Variants in TNS1 observed in about 807,000 individuals in gnomAD.
TNS1 encodes tensin-1.
A neutral mutation model predicts 168.6 loss-of-function variants in TNS1; 62 were observed. The observed-to-expected ratio is 0.37, with a 90% CI of 0.30 to 0.45. The LOEUF (loss-of-function observed/expected upper bound fraction) is 0.45, where lower values mean the gene tolerates loss of function less well. Ranked by LOEUF, TNS1 falls within the 20% of genes least tolerant of loss-of-function variation. TNS1 has a pLI of 1.00. For synonymous variants in TNS1, 934 were observed against 933.2 expected (o/e 1.00, Z -0.02); for missense variants, 2,240 against 2,339.4 (o/e 0.96, Z 0.88).
intron 19 of TNS1, among the ~76,000 whole-genome samples, chr2:217,843,606 G>A (rs1015603762): frequency 6.6e-6 from 1 of 152,100 alleles, no homozygotes; most frequent in Non-Finnish European, 1.5e-5. Flanking sequence ...TTTACACAGG[G>A]CTGCCTAATT....
At chr2:217,941,628 C>T (rs1273158577) in intron 3 of TNS1, among the ~76,000 whole-genome samples, 2 of 152,192 alleles carry the variant, frequency 1.3e-5, no homozygotes. Flanking sequence ...CTCCCCGACT[C>T]CAAGTATCCC....
chr2:217,821,718 C>G, intron 23 of TNS1, 22 bp downstream of exon 23: 1 of 1,413,906 alleles, frequency 7.1e-7, no homozygotes. Flanking sequence ...CATCCCCCAC[C>G]CACTGCCCCT....
intron 23 of TNS1, 107 bp from the exon 24 acceptor site, chr2:217,818,866 G>C: frequency 1.1e-6 from 1 of 881,076 alleles, no homozygotes; most frequent in Non-Finnish European, 1.7e-6. Flanking sequence ...AGTAAGAATG[G>C]TCCCACTGGC....
intron 18 of TNS1, among the ~76,000 whole-genome samples, chr2:217,850,856 A>T (rs1482804267): frequency 1.3e-5 from 2 of 152,082 alleles, no homozygotes; most frequent in African/African-American, 4.8e-5. Context: ...ATGTACACAC[A>T]AATACCAACA....
intron 3 of TNS1, among the ~76,000 whole-genome samples, chr2:217,923,666 C>T (rs1052136646): frequency 1.3e-5 from 2 of 152,210 alleles, no homozygotes; most frequent in African/African-American, 4.8e-5. Context: ...ACACTCAGCC[C>T]TTTGCTCATA....
At chr2:217,808,261 G>A (rs561397694) in intron 31 of TNS1, among the ~76,000 whole-genome samples, 154 bp from the exon 32 acceptor site, 58 of 151,490 alleles carry the variant, frequency 3.8e-4, no homozygotes, top group African/African-American at 1.4e-3. Context: ...CCAGGGACAG[G>A]AGCTGCCCAA....
Position 217,995,454 on chromosome 2 carries a change from A to T in TNS1, c.34-4398T>A, listed in dbSNP as rs1184864901. On this transcript the variant is annotated intron_variant, in intron 1 of 32. Coordinates refer to ENST00000682258, the MANE Select transcript of TNS1 (RefSeq NM_001387777.1). This position sits in a 1 kb window ranked among gnomAD's most constrained non-coding sequence, Gnocchi z 4.1. ...ATGAGACTCAGTGGGGAAAAAAAAA[A>T]CTTAACAATCAGATGCAAAAATATG... 6.6e-6 allele frequency among the ~76,000 whole-genome samples: 1 copy of T among 152,072 alleles called. No individual in the cohort carries two copies. Among genetic ancestry groups the T allele is most frequent in the African/African-American group, 2.4e-5 (1 of 41,386 alleles).
At position 217,814,901 on chromosome 2, in the gene TNS1, C is replaced by T. The variant is rs962696211; in HGVS notation, c.4729+11G>A. On this transcript the variant is annotated intron_variant, in intron 25 of 32. Coordinates refer to ENST00000682258, the MANE Select transcript of TNS1 (RefSeq NM_001387777.1). ...TATGGCCTCTGATGCACCACAGAGC[C>T]CAGCACTCACCCTGCTCCCTGGAGA... 4 of 1,610,472 alleles carry T rather than the reference C, an allele frequency of 2.5e-6. No individual in the cohort carries two copies. In the South Asian group the frequency reaches 3.3e-5, roughly 13 times the overall value.
intron 21 of TNS1, among the ~76,000 whole-genome samples, chr2:217,833,696 C>T (rs1265771509): frequency 6.6e-6 from 1 of 152,234 alleles, no homozygotes; most frequent in Admixed American, 6.5e-5. Flanking sequence ...ACAGCAGTCA[C>T]GAGCCACACA....
intron 3 of TNS1, among the ~76,000 whole-genome samples, chr2:217,976,953 C>G (rs922121037): frequency 2.0e-5 from 3 of 152,190 alleles, no homozygotes; most frequent in Admixed American, 2.0e-4. Flanking sequence ...AAGAATTACA[C>G]CGGGACACCT....
intron 32 of TNS1, 112 bp from the exon 33 acceptor site, chr2:217,804,715 C>T (rs1479648018): frequency 2.2e-6 from 3 of 1,371,792 alleles, no homozygotes; most frequent in Non-Finnish European, 3.0e-6. Flanking sequence ...TTCCCCATCC[C>T]TCCAGCAGGC....
At chr2:217,985,251 T>C (rs1958165963) in intron 2 of TNS1, among the ~76,000 whole-genome samples, 2 of 151,936 alleles carry the variant, frequency 1.3e-5, no homozygotes, top group Non-Finnish European at 2.9e-5. Flanking sequence ...CTCAAGCAGA[T>C]GGGCTCCTGT....
At chr2:217,920,074 C>A in intron 4 of TNS1, 121 bp downstream of exon 4, 1 of 689,658 alleles carries the variant, frequency 1.4e-6, no homozygotes, top group South Asian at 1.5e-5. Flanking sequence ...CGACCCTCCT[C>A]CTCCACCTAA....
At chr2:218,003,106 G>T, upstream of TNS1, 1 of 361,914 alleles carries the variant, frequency 2.8e-6, no homozygotes, top group Non-Finnish European at 5.4e-6. Flanking sequence ...AGGCTCCACC[G>T]GTGGCCTTGA....
chr2:218,001,852 A>G (rs1958570301), intron 1 of TNS1, among the ~76,000 whole-genome samples: 2 of 151,572 alleles, frequency 1.3e-5, no homozygotes, highest in South Asian at 4.2e-4. Flanking sequence ...TGGCCAGAAC[A>G]AGGAAAGGGA....
At chr2:218,031,030 GTGTA>G (rs1265146413) in intron 1 of TNS1, among the ~76,000 whole-genome samples, 3 of 151,398 alleles carry the variant, frequency 2.0e-5, no homozygotes, top group Non-Finnish European at 4.4e-5. Context: ...GTGTATGTGT[GTGTA>G]TGTGAGTGAG....
intron 2 of TNS1, among the ~76,000 whole-genome samples, chr2:217,989,513 C>T (rs1018089901): frequency 3.9e-5 from 6 of 151,992 alleles, no homozygotes; most frequent in African/African-American, 9.7e-5. Flanking sequence ...GATGGGGCAA[C>T]GGGGTGAGTG....
At chr2:218,001,674 A>C (rs1468432442) in intron 1 of TNS1, among the ~76,000 whole-genome samples, 9 of 151,928 alleles carry the variant, frequency 5.9e-5, no homozygotes, top group Non-Finnish European at 4.4e-5. Flanking sequence ...CTATTAATCC[A>C]ATCCATCCCA....
chr2:218,030,299 C>CT (rs1958881383), intron 1 of TNS1, among the ~76,000 whole-genome samples: 1 of 152,234 alleles, frequency 6.6e-6, no homozygotes, highest in Non-Finnish European at 1.5e-5. Context: ...CTCCCAGCTG[C>CT]TCTTGCTTCA....
Sources: gnomAD v4.1 joint callset for allele counts (sites outside exome capture counted in the v4.1 genomes callset) on GRCh38, gnomAD v4.1.1 for gene constraint, Gnocchi (gnomAD v3.1) non-coding constraint, MANE v1.5 for transcripts, NCBI Gene and HGNC (gene_info 2026-07-23, HGNC 2026-07-21) for gene names.